The following PSMC1 variants were observed in gnomAD, a reference collection of about 807,000 sequenced individuals.
PSMC1 encodes the protein proteasome 26S subunit, ATPase 1.
Under a neutral mutation model 49.8 loss-of-function variants are expected in PSMC1, and 5 were observed. That is an observed-to-expected ratio of 0.10 (90% confidence interval 0.05 to 0.21). PSMC1 has a LOEUF of 0.21. PSMC1 is among the 10% of genes least tolerant of loss of function. The probability of loss-of-function intolerance (pLI) is 1.00; values close to 1 mark genes in which losing one functional copy is unlikely to be tolerated. For synonymous variants in PSMC1, 155 were observed against 192.1 expected (o/e 0.81, Z 1.60); for missense variants, 181 against 535.7 (o/e 0.34, Z 6.54).
At chr14:90,269,682 A>C in intron 9 of PSMC1, 134 bp downstream of exon 9, 1 of 986,188 alleles carries the variant, frequency 1.0e-6, no homozygotes. Flanking sequence ...TTTACAAAAA[A>C]ATAGGTCCTC....
At position 90,272,175 on chromosome 14, in the gene PSMC1, T is replaced by G; in HGVS notation, c.1189-98T>G. 7 of 1,387,422 alleles carry G rather than the reference T, an allele frequency of 5.0e-6. No individual in the cohort carries two copies. The highest frequency in any genetic ancestry group is 6.9e-6 in the Non-Finnish European group (7 of 1,014,528). The allele number at this position is 1,387,422 out of a possible 1,614,324, so 85.9% of individuals were successfully genotyped here. A position where few individuals can be genotyped will look rare whatever the true frequency, so the allele number is the denominator to read the frequency against. On this transcript the variant is annotated intron_variant, in intron 10 of 10. Transcript: ENST00000261303. This position sits in a 1 kb window ranked among gnomAD's most constrained non-coding sequence, Gnocchi z 4.5. ...TCCCAGAGTGCTGGGATTACAGGTG[T>G]GAGCCACCGCGCCTGGCCTCAGAAT...
At chr14:90,265,360 C>T (rs1891484428) in intron 7 of PSMC1, among the ~76,000 whole-genome samples, 194 bp downstream of exon 7, 1 of 150,074 alleles carries the variant, frequency 6.7e-6, no homozygotes, top group Non-Finnish European at 1.5e-5. Context: ...AAAAAAAAAG[C>T]CTGAGCAACT....
intron 1 of PSMC1, 43 bp from the exon 2 acceptor site, chr14:90,259,117 T>C: frequency 6.3e-7 from 1 of 1,592,858 alleles, no homozygotes; most frequent in Non-Finnish European, 8.6e-7. Context: ...TTTGAAGTGA[T>C]CATATTCTGA....
chr14:90,263,290 A>G (rs1891437337), intron 3 of PSMC1, 28 bp from the exon 4 acceptor site: 1 of 1,576,320 alleles, frequency 6.3e-7, no homozygotes, highest in Admixed American at 2.0e-5. Context: ...GGGTCCACAT[A>G]TAATGAAACT....
intron 1 of PSMC1, among the ~76,000 whole-genome samples, chr14:90,257,066 G>C (rs1891308917): frequency 6.6e-6 from 1 of 152,210 alleles, no homozygotes; most frequent in Non-Finnish European, 1.5e-5. Flanking sequence ...TTCGGAGCTG[G>C]GGGCATTTGA....
chr14:90,265,924 A>G (rs1891501451), intron 7 of PSMC1, among the ~76,000 whole-genome samples: 1 of 152,050 alleles, frequency 6.6e-6, no homozygotes, highest in African/African-American at 2.4e-5. Flanking sequence ...CATCTGGAGT[A>G]TGGCCAAGCC....
intron 10 of PSMC1, chr14:90,271,568 TTATGAC>T (rs1452332327): frequency 5.3e-5 from 8 of 152,346 alleles, no homozygotes; most frequent in Admixed American, 1.3e-4. Context: ...ACATGTTCTT[TTATGAC>T]TATAAGTAAA....
intron 6 of PSMC1, 26 bp from the exon 7 acceptor site, chr14:90,265,044 C>G: frequency 6.6e-7 from 1 of 1,504,298 alleles, no homozygotes; most frequent in Non-Finnish European, 9.2e-7. Context: ...TTCAGTAAAG[C>G]CTTTCATTCA....
chr14:90,257,424 A>AG (rs1396071839), intron 1 of PSMC1, among the ~76,000 whole-genome samples: 1 of 152,146 alleles, frequency 6.6e-6, no homozygotes, highest in Non-Finnish European at 1.5e-5. Context: ...GAGTCAGCGA[A>AG]GGTAGCTCTG....
intron 7 of PSMC1, chr14:90,267,992 C>CATG (rs1305794866): frequency 2.4e-6 from 1 of 413,188 alleles, no homozygotes; most frequent in Non-Finnish European, 4.3e-6. Flanking sequence ...CTGACGTTAT[C>CATG]ATAAGTTCAG....
intron 4 of PSMC1, 106 bp from the exon 5 acceptor site, chr14:90,263,556 T>C (rs1423888562): frequency 1.4e-6 from 2 of 1,465,604 alleles, no homozygotes; most frequent in African/African-American, 2.8e-5. Flanking sequence ...TGAGTATTAT[T>C]AGCTGCCTTT....
chr14:90,256,772 C>A (rs1213970427), intron 1 of PSMC1, among the ~76,000 whole-genome samples, 172 bp downstream of exon 1: 1 of 152,198 alleles, frequency 6.6e-6, no homozygotes, highest in Non-Finnish European at 1.5e-5. Context: ...TCATGTCCAC[C>A]GCGGGCCGGG....
At chr14:90,257,972 C>G (rs1891327857) in intron 1 of PSMC1, among the ~76,000 whole-genome samples, 1 of 152,224 alleles carries the variant, frequency 6.6e-6, no homozygotes, top group East Asian at 1.9e-4. Flanking sequence ...TTTATTACAA[C>G]AGTTCCCTCG....
In PSMC1 at chr14:90,275,083, T is replaced by C. The variant is rs1207920467; in HGVS notation, c.*2676T>C. On this transcript the variant is annotated 3_prime_UTR_variant, in exon 11 of 11. Coordinates refer to ENST00000261303, the MANE Select transcript of PSMC1 (RefSeq NM_002802.3). ...AAGATGCTTAGCCTGAATCCAGTGC[T>C]GAGGAAACACCAGGCAAACACAAAC... is the stretch of plus-strand genomic sequence containing the variant. 6.6e-6 allele frequency: 1 copy of C among 152,216 alleles called. No individual in the cohort carries two copies. The highest frequency in any genetic ancestry group is 2.4e-5 in the African/African-American group (1 of 41,442). 9.4% of individuals were successfully genotyped at this position (152,216 alleles called of 1,614,324 possible). A position where few individuals can be genotyped will look rare whatever the true frequency, so the allele number is the denominator to read the frequency against.
chr14:90,267,315 G>T (rs1891543907), intron 7 of PSMC1, among the ~76,000 whole-genome samples: 1 of 151,678 alleles, frequency 6.6e-6, no homozygotes, highest in Non-Finnish European at 1.5e-5. Context: ...GCATGTGCTG[G>T]CTAATATTGT....
chr14:90,275,314 T>A lies in PSMC1; in HGVS notation c.*2907T>A, dbSNP rs1245701382. On this transcript the variant is annotated 3_prime_UTR_variant, in exon 11 of 11. Coordinates refer to ENST00000261303, the MANE Select transcript of PSMC1 (RefSeq NM_002802.3). ...GCTGACTTCCTGTTCAGTGTCTGTATCGTGGGCGGGTAGCAGACTCTCAGC... is the reference window on the plus strand; with the variant it reads ...GCTGACTTCCTGTTCAGTGTCTGTAACGTGGGCGGGTAGCAGACTCTCAGC... 6.6e-6 allele frequency: 1 copy of A among 152,164 alleles called. No homozygotes were observed. The highest frequency in any genetic ancestry group is 1.5e-5 in the Non-Finnish European group (1 of 68,032). The allele number at this position is 152,164 out of a possible 1,614,324, so 9.4% of individuals were successfully genotyped here.
chr14:90,265,284 G>A, intron 7 of PSMC1, 118 bp downstream of exon 7: 1 of 665,460 alleles, frequency 1.5e-6, no homozygotes, highest in Non-Finnish European at 2.5e-6. Flanking sequence ...GTTTAAAACA[G>A]GGCTGCTCAA....
At chr14:90,260,549 G>A (rs534003669) in intron 3 of PSMC1, among the ~76,000 whole-genome samples, 31 of 152,122 alleles carry the variant, frequency 2.0e-4, no homozygotes, top group African/African-American at 7.5e-4. Flanking sequence ...GGCAAAACAC[G>A]GTGAAACCCT....
rs139954860 is a variant in PSMC1, at chr14:90,272,393, G to T, written c.1309G>T (p.Gly437Trp). ...TAAGAAACAGGAAGGCACCCCTGAG[G>T]GGCTGTATCTCTAATGAACCATGGC... is the stretch of plus-strand genomic sequence containing the variant. ...LYKKQEGTPE[G>W]LYL Residue 437 changes from glycine (G) to tryptophan (W), a missense_variant, in exon 11 of 11, where the codon GGG becomes TGG. This residue lies in a region of PSMC1 where 60 missense variants were observed against 155.5 expected (regional missense o/e 0.39). Coordinates refer to ENST00000261303, the MANE Select transcript of PSMC1 (RefSeq NM_002802.3). The surrounding 1 kb of genome is among the most constrained non-coding windows in gnomAD (Gnocchi z 4.5). The T allele has an allele frequency of 1.9e-6, 3 of 1,559,964 alleles. No homozygotes were observed. Among genetic ancestry groups the T allele is most frequent in the Non-Finnish European group, 2.6e-6 (3 of 1,151,136 alleles).
Sources: allele counts gnomAD v4.1 joint callset (sites outside exome capture counted in the v4.1 genomes callset), GRCh38; gene constraint gnomAD v4.1.1; regional missense constraint gnomAD v4.1.1; non-coding constraint Gnocchi (gnomAD v3.1); transcripts MANE v1.5; gene names NCBI Gene and HGNC (gene_info 2026-07-23, HGNC 2026-07-21).